The following SLC5A6 variants were observed in gnomAD, a reference collection of about 807,000 sequenced individuals.
SLC5A6 encodes sodium-dependent multivitamin transporter.
In SLC5A6, 31 loss-of-function variants were observed where a neutral mutation model predicts 67.9. That is an observed-to-expected ratio of 0.46 (90% CI 0.34 to 0.62). The LOEUF (loss-of-function observed/expected upper bound fraction) is 0.62. SLC5A6 is among the 20% of genes least tolerant of loss of function. The pLI is 0.01. For synonymous variants in SLC5A6, 343 were observed against 331.0 expected, an observed-to-expected ratio of 1.04 and a Z score of -0.39; for missense variants, 673 against 812.8, an observed-to-expected ratio of 0.83 and a Z score of 2.09.
rs201671993 is a variant in SLC5A6 at position 27,201,821 on chromosome 2, C to A, written c.1389G>T (p.Gly463=). The A allele has an allele frequency of 3.1e-6, 5 of 1,614,142 alleles. No homozygotes were observed. Among genetic ancestry groups the A allele is most frequent in the Non-Finnish European group, 4.2e-6 (5 of 1,180,002 alleles). The change falls in exon 14 of 17, where the codon GGG becomes GGT. Residue 463 remains glycine, a synonymous_variant. Coordinates refer to ENST00000310574, the MANE Select transcript of SLC5A6 (RefSeq NM_021095.4). ...TGCCAATCCAGAAGGCCATGACGAG[C>A]CCAGCCAACAGGCCCACAACAGCAC... ...PPGAVVGLLA[G]LVMAFWIGIG... is the part of the protein sequence containing the mutation.
chr2:27,211,964 G>T (rs887103310), intron 1 of SLC5A6, 56 bp downstream of exon 1: 2 of 422,292 alleles, frequency 4.7e-6, no homozygotes, highest in Non-Finnish European at 8.0e-6. Flanking sequence ...AGCCCGCGGG[G>T]GCCCCGCCCC....
Position 27,203,805 on chromosome 2 carries a change from A to C in SLC5A6, c.1068T>G (p.Ile356Met). 1 of 1,614,050 alleles carries C rather than the reference A, an allele frequency of 6.2e-7. No individual in the cohort carries two copies. The highest frequency in any genetic ancestry group is 8.5e-7 in the Non-Finnish European group (1 of 1,179,928). Residue 356 changes from isoleucine to methionine, a missense_variant, in exon 10 of 17, where the codon ATT becomes ATG. Ile to Met is a conservative substitution (Grantham distance 10). Coordinates refer to ENST00000310574, the MANE Select transcript of SLC5A6 (RefSeq NM_021095.4). ...TGAGAGAGCCGCTGAAGAGGCAGGCAATGAAGAGCCCTGGCAGGCCTGGCA... is the reference window on the plus strand; with the variant it reads ...TGAGAGAGCCGCTGAAGAGGCAGGCCATGAAGAGCCCTGGCAGGCCTGGCA... ...KGLPGLPGLFIACLFSGSLST... is the reference protein window; with the variant it reads ...KGLPGLPGLFMACLFSGSLST...
chr2:27,204,701 T>G, intron 8 of SLC5A6, 90 bp downstream of exon 8: 1 of 1,601,466 alleles, frequency 6.2e-7, no homozygotes, highest in Non-Finnish European at 8.5e-7. Context: ...TGGATGTGTA[T>G]GCACTCTGGC....
At chr2:27,204,411 T>C (rs1415986958) in intron 9 of SLC5A6, 50 bp downstream of exon 9, 15 of 1,563,240 alleles carry the variant, frequency 9.6e-6, no homozygotes, top group African/African-American at 1.4e-5. Context: ...TAGACACTCC[T>C]GTTGTGGGGC....
chr2:27,206,195 C>A, intron 5 of SLC5A6, 102 bp from the exon 6 acceptor site: 3 of 979,446 alleles, frequency 3.1e-6, no homozygotes, highest in South Asian at 2.8e-5. Context: ...AAGCATTGGT[C>A]ATTAACAATG....
In SLC5A6 at chr2:27,202,831, C is replaced by G; in HGVS notation, c.1257G>C (p.Gln419His). The change falls in exon 12 of 17, where the codon CAG (glutamine) becomes CAC (histidine). Residue 419 changes from glutamine (Q) to histidine (H), a missense_variant. By Grantham distance (24) the Gln-to-His change is conservative. Transcript: ENST00000310574. Reference sequence around the variant, plus strand: ...TTATTACCTGCAGCACAGGTCCCATCTGGGAGGAAATATAGGCCATTCCTA... The same window carrying G: ...TTATTACCTGCAGCACAGGTCCCATGTGGGAGGAAATATAGGCCATTCCTA... ...LCLGMAYISS[Q>H]MGPVLQAAIS... 2 of 1,614,068 alleles carry G rather than the reference C, an allele frequency of 1.2e-6. No homozygotes were observed. The highest frequency in any genetic ancestry group is 1.3e-5 in the African/African-American group (1 of 75,028).
chr2:27,206,630 C>A, intron 4 of SLC5A6, 96 bp from the exon 5 acceptor site: 1 of 1,188,012 alleles, frequency 8.4e-7, no homozygotes, highest in South Asian at 1.2e-5. Flanking sequence ...CATGGCTTCC[C>A]CTCACCTAGG....
chr2:27,204,398 A>G, intron 9 of SLC5A6, 63 bp downstream of exon 9: 1 of 1,537,718 alleles, frequency 6.5e-7, no homozygotes, highest in Non-Finnish European at 8.8e-7. Flanking sequence ...GTCCTTTCCT[A>G]CCTAGACACT....
chr2:27,211,815 C>A, intron 1 of SLC5A6: 1 of 202,712 alleles, frequency 4.9e-6, no homozygotes, highest in Non-Finnish European at 9.7e-6. Flanking sequence ...GCTCGCTCCG[C>A]CCCTCCCCGC....
chr2:27,202,116 C>T (rs1007169557), intron 12 of SLC5A6, 42 bp from the exon 13 acceptor site: 1 of 1,404,714 alleles, frequency 7.1e-7, no homozygotes, highest in African/African-American at 1.4e-5. Context: ...AGAACACAGA[C>T]TCAGAGATGC....
At chr2:27,212,759 C>T (rs1674640053), upstream of SLC5A6, 5 of 859,182 alleles carry the variant, frequency 5.8e-6, no homozygotes, top group South Asian at 8.5e-5. Context: ...TGTAATCTCT[C>T]TACGCACGAA....
chr2:27,200,755 G>A (rs1331206879), intron 16 of SLC5A6, among the ~76,000 whole-genome samples, 176 bp from the exon 17 acceptor site: 1 of 152,148 alleles, frequency 6.6e-6, no homozygotes, highest in African/African-American at 2.4e-5. Context: ...GTGGGCTGGG[G>A]AGGGGAGCTG....
intron 2 of SLC5A6, among the ~76,000 whole-genome samples, chr2:27,209,200 G>A (rs1674291661): frequency 6.6e-6 from 1 of 152,126 alleles, no homozygotes; most frequent in African/African-American, 2.4e-5. Flanking sequence ...CCAGGTCTAG[G>A]GATTCACCAT....
Position 27,201,341 on chromosome 2 carries a change from C to A in SLC5A6, c.1648+9G>T, listed in dbSNP as rs370089425. ...GGTGCTCATCTGCACCGCAATCCCA[C>A]ACCCTTACCAGTGAGTAGACTGACA... On this transcript the variant is annotated intron_variant, in intron 15 of 16. Transcript: ENST00000310574. 9 of 1,580,972 alleles carry A rather than the reference C, an allele frequency of 5.7e-6. No homozygotes were observed. The African/African-American group carries it at 1.1e-4, about 19-fold the overall frequency.
rs61280535 is a variant in SLC5A6, at chr2:27,206,940, G to A, written c.396C>T (p.Tyr132=). 0.013 allele frequency: 21,622 copies of A among 1,612,054 alleles called. 176 individuals are homozygous for A. Among genetic ancestry groups the A allele is most frequent in the Middle Eastern group, 0.04 (241 of 6,058 alleles). The part of the protein sequence containing the change: ...YRLHLTSAYE[Y]LELRFNKTVR... The stretch of plus-strand genomic sequence containing the variant: ...CAGTTTTATTGAATCGAAGCTCCAG[G>A]TACTGGGTATACAGAAAAAAAGATT... The change falls in exon 4 of 17, where the codon TAC becomes TAT. Residue 132 remains tyrosine (Y), a splice_region_variant and synonymous_variant. Transcript: ENST00000310574.
At chr2:27,205,106 G>C (rs570681227) in intron 7 of SLC5A6, 175 bp from the exon 8 acceptor site, 1 of 757,984 alleles carries the variant, frequency 1.3e-6, no homozygotes, top group East Asian at 2.7e-5. Context: ...GTTAGAGGGA[G>C]GCTCCATTCT....
chr2:27,212,398 G>T, upstream of SLC5A6: 1 of 1,551,502 alleles, frequency 6.4e-7, no homozygotes, highest in Middle Eastern at 1.7e-4. Context: ...GTAGTCTTAC[G>T]ACCCTGGTGC....
At chr2:27,205,009 T>C (rs933030612) in intron 7 of SLC5A6, 78 bp from the exon 8 acceptor site, 18 of 1,563,628 alleles carry the variant, frequency 1.2e-5, no homozygotes, top group Non-Finnish European at 1.6e-5. Flanking sequence ...CAGGAGTCAG[T>C]GGACAGGAAA....
intron 14 of SLC5A6, 26 bp downstream of exon 14, chr2:27,201,640 C>T: frequency 1.9e-6 from 3 of 1,608,118 alleles, no homozygotes; most frequent in Non-Finnish European, 2.6e-6. Context: ...TTTGAGAAAA[C>T]AAGAAGATAG....
Sources: gnomAD v4.1 joint callset for allele counts (sites outside exome capture counted in the v4.1 genomes callset) on GRCh38, gnomAD v4.1.1 for gene constraint, MANE v1.5 for transcripts, NCBI Gene and HGNC (gene_info 2026-07-23, HGNC 2026-07-21) for gene names.